Variants in PITPNC1 observed in about 807,000 individuals in gnomAD.
The protein encoded by PITPNC1 is cytoplasmic phosphatidylinositol transfer protein 1.
Under a neutral mutation model 44.7 loss-of-function variants are expected in PITPNC1, and 18 were observed. That is an observed-to-expected ratio of 0.40 (90% CI 0.28 to 0.60). The LOEUF (loss-of-function observed/expected upper bound fraction) is 0.60, where lower values mean the gene tolerates loss of function less well. Among genes scored for constraint, PITPNC1 ranks in the 20% least tolerant of loss-of-function variants. PITPNC1 has a pLI of 0.39. For missense variants in PITPNC1, 290 were observed against 418.4 expected (o/e 0.69, Z 2.68); for synonymous variants, 141 against 149.6 (o/e 0.94, Z 0.42).
At chr17:67,551,708 T>G (rs1479445927) in intron 2 of PITPNC1, among the ~76,000 whole-genome samples, 1 of 152,244 alleles carries the variant, frequency 6.6e-6, no homozygotes, top group Non-Finnish European at 1.5e-5. Context: ...TACTGGAGAT[T>G]AAGATGTGGA....
At chr17:67,466,192 T>C (rs1359814553) in intron 1 of PITPNC1, among the ~76,000 whole-genome samples, 1 of 2,510 alleles carries the variant, frequency 4.0e-4, no homozygotes, top group African/African-American at 2.0e-3. Context: ...GTAGAGATGG[T>C]GGGGTGGGGG....
rs2043006708 is a variant in PITPNC1 at position 67,696,115 on chromosome 17, G to A, written c.*3227G>A. The A allele has an allele frequency of 6.6e-6, 1 of 152,116 alleles. No homozygotes were observed. The highest frequency in any genetic ancestry group is 6.6e-5 in the Admixed American group (1 of 15,262). The allele number at this position is 152,116 out of a possible 1,614,324, so 9.4% of individuals were successfully genotyped here. A position where few individuals can be genotyped will look rare whatever the true frequency, so the allele number is the denominator to read the frequency against. On this transcript the variant is annotated 3_prime_UTR_variant, in exon 9 of 9. Coordinates refer to ENST00000581322, the MANE Select transcript of PITPNC1 (RefSeq NM_012417.4). ...GTGTGAGGAAAATTTTAATTTATTTGGAAGTATTTATTAGCCATGTTGTTG... is the reference window on the plus strand; with the variant it reads ...GTGTGAGGAAAATTTTAATTTATTTAGAAGTATTTATTAGCCATGTTGTTG...
At chr17:67,667,764 G>A (rs114431085) in intron 6 of PITPNC1, among the ~76,000 whole-genome samples, 3,733 of 151,622 alleles carry the variant, frequency 0.025, 50 homozygotes, top group African/African-American at 0.042. Context: ...TGGATCACTC[G>A]CGTTCAGGAG....
chr17:67,400,643 C>T (rs1354130740), intron 1 of PITPNC1, among the ~76,000 whole-genome samples: 1 of 151,926 alleles, frequency 6.6e-6, no homozygotes, highest in Non-Finnish European at 1.5e-5. Flanking sequence ...AGTGGATGTC[C>T]TTTCCTTATT....
chr17:67,401,224 C>T (rs920274039), intron 1 of PITPNC1, among the ~76,000 whole-genome samples: 4 of 152,130 alleles, frequency 2.6e-5, no homozygotes, highest in Admixed American at 6.5e-5. Context: ...CGTGAGCCAC[C>T]GCGCCTGGCC....
intron 1 of PITPNC1, among the ~76,000 whole-genome samples, chr17:67,476,976 A>C: frequency 6.6e-6 from 1 of 152,218 alleles, no homozygotes; most frequent in East Asian, 1.9e-4. Context: ...CCTGCATTGC[A>C]ACAAGGTTCT....
intron 4 of PITPNC1, among the ~76,000 whole-genome samples, chr17:67,554,077 G>T (rs542100434): frequency 2.6e-5 from 4 of 152,192 alleles, no homozygotes; most frequent in African/African-American, 7.2e-5. Flanking sequence ...TCTGGGTTGG[G>T]CAGTCGCTGT....
rs139850232 is a variant in PITPNC1, at chr17:67,555,195, G to A, written c.294+1578G>A. Among the ~76,000 whole-genome samples, 372 of 152,256 alleles carry A rather than the reference G, an allele frequency of 2.4e-3. 1 individual carries two copies. The highest frequency in any genetic ancestry group is 0.01 in the Middle Eastern group (3 of 294). On this transcript the variant is annotated intron_variant, in intron 4 of 8. Coordinates refer to ENST00000581322, the MANE Select transcript of PITPNC1 (RefSeq NM_012417.4). Reference sequence around the variant, plus strand: ...ACCTGTTTCCTCTTTTCTGAAATTAGAATAATCCCTCCTTCCTAGAGATGT... The same window carrying A: ...ACCTGTTTCCTCTTTTCTGAAATTAAAATAATCCCTCCTTCCTAGAGATGT...
chr17:67,446,760 C>T (rs187819166), intron 1 of PITPNC1, among the ~76,000 whole-genome samples: 27 of 151,880 alleles, frequency 1.8e-4, no homozygotes, highest in African/African-American at 5.8e-4. Context: ...ATGGCAGATG[C>T]ACCTGACAGC....
rs772744545 is a variant in PITPNC1, at chr17:67,693,174, G to A, written c.*286G>A. 36 of 319,930 alleles carry A rather than the reference G, an allele frequency of 1.1e-4. 1 individual carries two copies. The highest frequency in any genetic ancestry group is 1.8e-4 in the Non-Finnish European group (32 of 177,396). The allele number at this position is 319,930 out of a possible 1,614,324, so 19.8% of individuals were successfully genotyped here. On this transcript the variant is annotated 3_prime_UTR_variant, in exon 9 of 9. Coordinates refer to ENST00000581322, the MANE Select transcript of PITPNC1 (RefSeq NM_012417.4). ...GCCTTGTTATTGGGCATTTGATGAGGTTTGGCATGGACTTCAAGGATAAAT... is the reference window on the plus strand; with the variant it reads ...GCCTTGTTATTGGGCATTTGATGAGATTTGGCATGGACTTCAAGGATAAAT...
Position 67,692,853 on chromosome 17 carries a change from T to C in PITPNC1, c.964T>C (p.Ser322Pro). 6.2e-7 allele frequency: 1 copy of C among 1,612,304 alleles called. No homozygotes were observed. Among genetic ancestry groups the C allele is most frequent in the Non-Finnish European group, 8.5e-7 (1 of 1,178,514 alleles). Residue 322 changes from serine to proline, a missense_variant, in exon 9 of 9, where the codon TCT becomes CCT. Transcript: ENST00000581322. ...CACCCTGAATTTACCCGGCATGCAC[T>C]CTTCAGATAAGCCATGTCGGCCCAA... ...KATLNLPGMH[S>P]SDKPCRPKSE
intron 5 of PITPNC1, among the ~76,000 whole-genome samples, chr17:67,584,988 T>C (rs2041292324): frequency 6.6e-6 from 1 of 151,984 alleles, no homozygotes; most frequent in Non-Finnish European, 1.5e-5. Flanking sequence ...TGGTGGCGCA[T>C]GCCTGTAATT....
At chr17:67,443,250 CCT>C (rs1567991751) in intron 1 of PITPNC1, among the ~76,000 whole-genome samples, 3 of 152,144 alleles carry the variant, frequency 2.0e-5, no homozygotes, top group Admixed American at 6.6e-5. Flanking sequence ...GAATTGTGCC[CCT>C]GTCTCCTGAA....
At chr17:67,517,071 T>C (rs1048097247) in intron 1 of PITPNC1, among the ~76,000 whole-genome samples, 6 of 152,220 alleles carry the variant, frequency 3.9e-5, no homozygotes, top group African/African-American at 7.2e-5. Flanking sequence ...CTCACTCTGA[T>C]TGTAATGTGA....
At chr17:67,651,416 G>A (rs1015412943) in intron 6 of PITPNC1, among the ~76,000 whole-genome samples, 1 of 152,090 alleles carries the variant, frequency 6.6e-6, no homozygotes, top group Non-Finnish European at 1.5e-5. Context: ...GGGAGGCTGA[G>A]ACAGGAGAAT....
intron 5 of PITPNC1, among the ~76,000 whole-genome samples, chr17:67,607,901 T>C (rs547461249): frequency 2.6e-5 from 4 of 152,064 alleles, no homozygotes; most frequent in Admixed American, 6.6e-5. Context: ...GCTAAATTTT[T>C]GTATTTTTAG....
intron 1 of PITPNC1, among the ~76,000 whole-genome samples, chr17:67,522,826 C>G (rs1418886385): frequency 6.6e-6 from 1 of 151,806 alleles, no homozygotes; most frequent in Admixed American, 6.6e-5. Context: ...CCATGCCCAG[C>G]TGAGTTTTTA....
At chr17:67,396,621 C>T (rs1478648135) in intron 1 of PITPNC1, among the ~76,000 whole-genome samples, 2 of 151,840 alleles carry the variant, frequency 1.3e-5, no homozygotes, top group Non-Finnish European at 2.9e-5. Flanking sequence ...CCACCAGCCT[C>T]GGCCTCCCAA....
In PITPNC1 at chr17:67,521,871, A is replaced by G. The variant is rs183587365; in HGVS notation, c.49-10931A>G. On this transcript the variant is annotated intron_variant, in intron 1 of 8. Coordinates refer to ENST00000581322, the MANE Select transcript of PITPNC1 (RefSeq NM_012417.4). ...CATTGAGGAATGTGTTCTCATTGAG[A>G]CCGGATCAGAACTCATTTGGGTTCA... Among the ~76,000 whole-genome samples the G allele has an allele frequency of 1.5e-3, 222 of 152,260 alleles. 1 individual carries two copies. Among genetic ancestry groups the G allele is most frequent in the African/African-American group, 5.1e-3 (211 of 41,544 alleles).
Sources: gnomAD v4.1 joint callset for allele counts (sites outside exome capture counted in the v4.1 genomes callset) on GRCh38, gnomAD v4.1.1 for gene constraint, MANE v1.5 for transcripts, NCBI Gene and HGNC (gene_info 2026-07-23, HGNC 2026-07-21) for gene names.